The following EMILIN2 variants were observed in gnomAD, a reference collection of about 807,000 sequenced individuals.
EMILIN2 encodes EMILIN-2.
A neutral mutation model predicts 87.1 loss-of-function variants in EMILIN2; 71 were observed. That is an observed-to-expected ratio of 0.82 (90% CI 0.67 to 0.99). The LOEUF is 0.99. Ranked by LOEUF, EMILIN2 falls within the 50% of genes least tolerant of loss-of-function variation. EMILIN2 has a pLI of 0.00. For synonymous variants in EMILIN2, 581 were observed against 563.4 expected, an observed-to-expected ratio of 1.03 and a Z score of -0.44; for missense variants, 1,407 against 1,371.8, an observed-to-expected ratio of 1.03 and a Z score of -0.40.
intron 7 of EMILIN2, among the ~76,000 whole-genome samples, chr18:2,912,759 C>T (rs1046266204): frequency 1.3e-5 from 2 of 152,186 alleles, no homozygotes; most frequent in Non-Finnish European, 2.9e-5. Flanking sequence ...CCCTGCCTCC[C>T]GGGTATTCTG....
chr18:2,906,990 G>A lies in EMILIN2; in HGVS notation c.2567G>A (p.Gly856Asp), dbSNP rs1348468259. 2 of 1,375,924 alleles carry A rather than the reference G, an allele frequency of 1.5e-6. No homozygotes were observed. The highest frequency in any genetic ancestry group is 1.9e-6 in the Non-Finnish European group (2 of 1,063,414). The allele number at this position is 1,375,924 out of a possible 1,614,324, so 85.2% of individuals were successfully genotyped here. Residue 856 changes from glycine to aspartate, a missense_variant, in exon 5 of 8, where the codon GGC (glycine) becomes GAC (aspartate). Coordinates refer to ENST00000254528, the MANE Select transcript of EMILIN2 (RefSeq NM_032048.3). ...ACGGGCCAGGCCGGGCCCCCCGCAGGCGCAGGCGTGTCTGGGCGGGGTCTG... is the reference window on the plus strand; with the variant it reads ...ACGGGCCAGGCCGGGCCCCCCGCAGACGCAGGCGTGTCTGGGCGGGGTCTG... ...AETGQAGPPAGAGVSGRGLPR... is the reference protein window; with the variant it reads ...AETGQAGPPADAGVSGRGLPR...
intron 7 of EMILIN2, 132 bp from the exon 8 acceptor site, chr18:2,912,935 C>T: frequency 2.2e-6 from 2 of 924,508 alleles, no homozygotes; most frequent in Non-Finnish European, 3.2e-6. Flanking sequence ...CTGAGGCAGG[C>T]AGCCAGCTAC....
chr18:2,913,027 C>A, intron 7 of EMILIN2, 40 bp from the exon 8 acceptor site: 2 of 1,594,920 alleles, frequency 1.3e-6, no homozygotes, highest in Middle Eastern at 1.8e-4. Context: ...AGGGCTGTGA[C>A]GACAGCAGGT....
chr18:2,887,916 C>G (rs1419775247), intron 3 of EMILIN2, among the ~76,000 whole-genome samples: 1 of 152,172 alleles, frequency 6.6e-6, no homozygotes, highest in Non-Finnish European at 1.5e-5. Flanking sequence ...ATCCTCCCAC[C>G]TCAGCATCCC....
chr18:2,846,786 G>C, upstream of EMILIN2: 1 of 985,414 alleles, frequency 1.0e-6, no homozygotes, highest in Non-Finnish European at 1.2e-6. This position sits in a 1 kb window ranked among gnomAD's most constrained non-coding sequence, Gnocchi z 5.3. Flanking sequence ...GAGACCAAAG[G>C]AATGAGTCAT....
At chr18:2,899,281 G>GGT (rs1475233683) in intron 4 of EMILIN2, among the ~76,000 whole-genome samples, 5 of 152,164 alleles carry the variant, frequency 3.3e-5, no homozygotes, top group East Asian at 1.9e-4. Context: ...AGAAAGAGGA[G>GGT]GTGGGGGGGA....
At position 2,907,172 on chromosome 18, in the gene EMILIN2, T is replaced by C. The variant is rs1598506318; in HGVS notation, c.2662+87T>C. ...CGGGGTCTGCTGAGGGGCGTGGCGG[T>C]TCGGGGTCCAGCCTTCGGGGGGGCA... On this transcript the variant is annotated intron_variant, in intron 5 of 7. Transcript: ENST00000254528. 8 of 1,204,040 alleles carry C rather than the reference T, an allele frequency of 6.6e-6. No homozygotes were observed. In the East Asian group the frequency reaches 2.6e-4, roughly 39 times the overall value. 74.6% of individuals were successfully genotyped at this position (1,204,040 alleles called of 1,614,324 possible). A position where few individuals can be genotyped will look rare whatever the true frequency, so the allele number is the denominator to read the frequency against.
rs1446418925 is a variant in EMILIN2, at chr18:2,858,553, A to G, written c.257+10622A>G. 2.2e-3 allele frequency among the ~76,000 whole-genome samples: 109 copies of G among 50,040 alleles called. 1 individual carries two copies. The highest frequency in any genetic ancestry group is 0.014 in the African/African-American group (97 of 6,944). 32.8% of individuals were successfully genotyped at this position (50,040 alleles called of 152,430 possible). A position where few individuals can be genotyped will look rare whatever the true frequency, so the allele number is the denominator to read the frequency against. On this transcript the variant is annotated intron_variant, in intron 2 of 7. Coordinates refer to ENST00000254528, the MANE Select transcript of EMILIN2 (RefSeq NM_032048.3). ...TATATATATATATATATATATATAT[A>G]TATATATATATATATATGTGTGTGT... is the stretch of plus-strand genomic sequence containing the variant.
In EMILIN2 at chr18:2,913,283, T is replaced by C; in HGVS notation, c.3041T>C (p.Leu1014Pro). Residue 1014 changes from leucine (L) to proline (P), a missense_variant, in exon 8 of 8, where the codon CTG becomes CCG. Physicochemically the swap from Leu to Pro is moderately conservative, Grantham distance 98 (BLOSUM62 -3). Coordinates refer to ENST00000254528, the MANE Select transcript of EMILIN2 (RefSeq NM_032048.3). Reference protein sequence around the residue: ...GPGAFHLIVHLKAGDAVNVVV... With the variant: ...GPGAFHLIVHPKAGDAVNVVV... ...GGGGCATTCCACCTCATCGTGCACC[T>C]GAAGGCGGGAGATGCAGTCAACGTC... 6.2e-7 allele frequency: 1 copy of C among 1,613,370 alleles called. No homozygotes were observed. The highest frequency in any genetic ancestry group is 8.5e-7 in the Non-Finnish European group (1 of 1,179,470).
chr18:2,878,922 C>T (rs569760359), intron 2 of EMILIN2, among the ~76,000 whole-genome samples: 8 of 152,230 alleles, frequency 5.3e-5, no homozygotes, highest in Admixed American at 5.2e-4. Flanking sequence ...GCGAGTGTCC[C>T]CAAGGGGGCA....
intron 2 of EMILIN2, among the ~76,000 whole-genome samples, chr18:2,883,995 A>G (rs550227750): frequency 9.9e-5 from 15 of 151,868 alleles, no homozygotes; most frequent in South Asian, 4.2e-4. Flanking sequence ...TTGCTCTGTC[A>G]CCCAGGCTGG....
At chr18:2,858,449 T>C (rs1469261180) in intron 2 of EMILIN2, among the ~76,000 whole-genome samples, 2 of 144,888 alleles carry the variant, frequency 1.4e-5, no homozygotes, top group Admixed American at 7.0e-5. Context: ...TTTAGAATAA[T>C]AGTCTCCAAT....
At chr18:2,851,332 G>A (rs1441445787) in intron 2 of EMILIN2, among the ~76,000 whole-genome samples, 1 of 152,140 alleles carries the variant, frequency 6.6e-6, no homozygotes, top group African/African-American at 2.4e-5. Context: ...CTACTCGGGA[G>A]GCTGAGATAG....
rs1180735843 is a variant in EMILIN2, at chr18:2,858,583, G to GTGTATA, written c.257+10653_257+10654insGTATAT. 8.1e-4 allele frequency among the ~76,000 whole-genome samples: 51 copies of GTGTATA among 63,020 alleles called. 3 individuals carry two copies. The highest frequency in any genetic ancestry group is 3.1e-3 in the African/African-American group (33 of 10,688). 41.3% of individuals were successfully genotyped at this position (63,020 alleles called of 152,430 possible). A position where few individuals can be genotyped will look rare whatever the true frequency, so the allele number is the denominator to read the frequency against. On this transcript the variant is annotated intron_variant, in intron 2 of 7. Coordinates refer to ENST00000254528, the MANE Select transcript of EMILIN2 (RefSeq NM_032048.3). ...TATATATATATATGTGTGTGTGTGTGTATATATATATATATATATGTGTAT... is the reference window on the plus strand; with the variant it reads ...TATATATATATATGTGTGTGTGTGTGTGTATATATATATATATATATATATGTGTAT...
At chr18:2,879,411 C>T (rs1278206826) in intron 2 of EMILIN2, among the ~76,000 whole-genome samples, 2 of 152,144 alleles carry the variant, frequency 1.3e-5, no homozygotes, top group African/African-American at 4.8e-5. Context: ...GTAATCCCAG[C>T]CCTTTGGGAG....
In EMILIN2 at chr18:2,852,549, C is replaced by T. The variant is rs564259492; in HGVS notation, c.257+4618C>T. ...TTTTTTCTTTTTTGAGACAGGGTCT[C>T]GCTCTATTGCCCAGGCTGGAGCGCA... On this transcript the variant is annotated intron_variant, in intron 2 of 7. Coordinates refer to ENST00000254528, the MANE Select transcript of EMILIN2 (RefSeq NM_032048.3). Among the ~76,000 whole-genome samples the T allele has an allele frequency of 2.5e-4, 38 of 152,306 alleles. No individual in the cohort carries two copies. In the East Asian group the frequency reaches 6.9e-3, roughly 28 times the overall value.
upstream of EMILIN2, chr18:2,846,726 G>A (rs1403821721): frequency 9.1e-6 from 9 of 984,318 alleles, no homozygotes; most frequent in Non-Finnish European, 1.1e-5. The surrounding 1 kb of genome is among the most constrained non-coding windows in gnomAD (Gnocchi z 5.3). Context: ...CGGGGGGCCG[G>A]GAGCGAGCCT....
At chr18:2,883,400 A>G (rs561673854) in intron 2 of EMILIN2, among the ~76,000 whole-genome samples, 2 of 152,334 alleles carry the variant, frequency 1.3e-5, no homozygotes, top group African/African-American at 4.8e-5. Flanking sequence ...AGTGACACTC[A>G]GCCTATTGCT....
At chr18:2,857,261 G>GACTTTGCAGCTTTTCCCCAACTTTTCCCA (rs1460308626) in intron 2 of EMILIN2, among the ~76,000 whole-genome samples, 101 of 152,334 alleles carry the variant, frequency 6.6e-4, no homozygotes, top group African/African-American at 2.3e-3. Context: ...AATTTGCTGA[G>GACTTTGCAGCTTTTCCCCAACTTTTCCCA]ACTTTGCAGC....
Sources: allele counts gnomAD v4.1 joint callset (sites outside exome capture counted in the v4.1 genomes callset), GRCh38; gene constraint gnomAD v4.1.1; non-coding constraint Gnocchi (gnomAD v3.1); transcripts MANE v1.5; gene names NCBI Gene and HGNC (gene_info 2026-07-23, HGNC 2026-07-21).